AGAP6: variants seen among roughly 807,000 people sequenced by gnomAD.
AGAP6 encodes the protein ArfGAP with GTPase domain, ankyrin repeat and PH domain 6.
A neutral mutation model predicts 63.9 loss-of-function variants in AGAP6; 29 were observed. That is an observed-to-expected ratio of 0.45 (90% confidence interval 0.34 to 0.62). The LOEUF is 0.62. Ranked by LOEUF, AGAP6 falls within the 20% of genes least tolerant of loss-of-function variation. The pLI, the probability that AGAP6 is intolerant of heterozygous loss-of-function variation, is 0.01. For missense variants in AGAP6, 493 were observed against 884.9 expected, an observed-to-expected ratio of 0.56 and a Z score of 5.62; for synonymous variants, 199 against 332.9, an observed-to-expected ratio of 0.60 and a Z score of 4.38.
intron 4 of AGAP6, among the ~76,000 whole-genome samples, chr10:49,999,731 A>G (rs1275381620): frequency 1.5e-5 from 2 of 132,192 alleles, no homozygotes; most frequent in South Asian, 2.8e-4. Context: ...GACTCCTCCA[A>G]AAAGCTCCTA....
At chr10:50,008,298 C>CTTT (rs1181143677) in intron 7 of AGAP6, among the ~76,000 whole-genome samples, 2 of 118,182 alleles carry the variant, frequency 1.7e-5, no homozygotes, top group Admixed American at 8.9e-5. Context: ...GAAGATGTAT[C>CTTT]TTTTTTTTTT....
chr10:49,991,672 A>G lies in AGAP6; in HGVS notation c.293-4A>G, dbSNP rs1197163971. 2 of 1,598,484 alleles carry G rather than the reference A, an allele frequency of 1.3e-6. No individual in the cohort carries two copies. Among genetic ancestry groups the G allele is most frequent in the African/African-American group, 2.7e-5 (2 of 74,814 alleles). Reference sequence around the variant, plus strand: ...TTTTTTCTTTTCTTCCTCTGTGCATATAGCTTTGGAGTTTAACCCTTCTGC... The same window carrying G: ...TTTTTTCTTTTCTTCCTCTGTGCATGTAGCTTTGGAGTTTAACCCTTCTGC... On this transcript the variant is annotated splice_polypyrimidine_tract_variant and splice_region_variant and intron_variant, in intron 2 of 7. Coordinates refer to ENST00000412531, the MANE Select transcript of AGAP6 (RefSeq NM_001077665.3).
chr10:49,991,355 ACAACT>A (rs1272247896), intron 2 of AGAP6, among the ~76,000 whole-genome samples: 2 of 150,624 alleles, frequency 1.3e-5, no homozygotes, highest in Non-Finnish European at 3.0e-5. Flanking sequence ...TTGATTTTAG[ACAACT>A]CAAAGCCAAA....
intron 4 of AGAP6, among the ~76,000 whole-genome samples, chr10:49,996,714 T>TA (rs1337732587): frequency 1.3e-5 from 2 of 149,158 alleles, no homozygotes; most frequent in Admixed American, 1.3e-4. Context: ...GGGCTCTAGT[T>TA]AGAGATTTGC....
At chr10:50,007,145 A>T (rs1564715130) in intron 6 of AGAP6, among the ~76,000 whole-genome samples, 1 of 152,054 alleles carries the variant, frequency 6.6e-6, no homozygotes, top group Non-Finnish European at 1.5e-5. Flanking sequence ...TAATCCCAGC[A>T]CTTTGGGAGG....
At chr10:49,994,074 G>A (rs1335961025) in intron 3 of AGAP6, among the ~76,000 whole-genome samples, 72 of 152,132 alleles carry the variant, frequency 4.7e-4, no homozygotes, top group Admixed American at 1.0e-3. Context: ...ATGGATCATG[G>A]CTCATATATG....
At chr10:49,989,060 G>C in intron 1 of AGAP6, 122 bp downstream of exon 1, 1 of 1,581,858 alleles carries the variant, frequency 6.3e-7, no homozygotes, top group Non-Finnish European at 8.5e-7. Flanking sequence ...TTTCCCGGGG[G>C]CTGGCCAGGA....
rs1554860349 is a variant in AGAP6 at position 49,989,349 on chromosome 10, A to G, written c.265A>G (p.Ile89Val). ...NLSANPESST[I>V]FQRNSQTEAL... ...TTCTGCCAATCCAGAGTCAAGCACA[A>G]TATTCCAGAGGAACTCTCAAACAGA... The change falls in exon 2 of 8, where the codon ATA becomes GTA. Residue 89 changes from isoleucine (I) to valine (V), a missense_variant. Physicochemically the swap from Ile to Val is conservative, Grantham distance 29 (BLOSUM62 3). This residue lies in a region of AGAP6 where 342 missense variants were observed against 533.4 expected (regional missense o/e 0.64). Coordinates refer to ENST00000412531, the MANE Select transcript of AGAP6 (RefSeq NM_001077665.3). 3.1e-6 allele frequency: 5 copies of G among 1,597,426 alleles called. No homozygotes were observed. The African/African-American group carries it at 4.0e-5, about 13-fold the overall frequency.
Position 49,988,893 on chromosome 10 carries a change from G to T in AGAP6, c.178G>T (p.Glu60Ter). 2 of 1,599,682 alleles carry T rather than the reference G, an allele frequency of 1.3e-6. No homozygotes were observed. Among genetic ancestry groups the T allele is most frequent in the Non-Finnish European group, 1.7e-6 (2 of 1,179,140 alleles). Reference protein sequence around the residue: ...QPAEVTVEVGEDLHMHHVRDR... With the variant: ...QPAEVTVEVG ...TGCTGAGGTGACTGTTGAAGTTGGT[G>T]AGGACCTCCACATGCACCACGTTCG... Residue 60 changes from glutamate to a stop codon, truncating the protein, a stop_gained, in exon 1 of 8, where the codon GAG becomes TAG. Transcript: ENST00000412531. LOFTEE classifies it high-confidence loss of function.
chr10:49,988,995 C>T, intron 1 of AGAP6, 57 bp downstream of exon 1: 1 of 1,599,646 alleles, frequency 6.3e-7, no homozygotes, highest in Non-Finnish European at 8.5e-7. Flanking sequence ...CTGCTGTCCC[C>T]ATGGTTCCCT....
intron 6 of AGAP6, among the ~76,000 whole-genome samples, chr10:50,006,678 G>A (rs1447325844): frequency 2.6e-5 from 4 of 151,674 alleles, no homozygotes; most frequent in African/African-American, 9.7e-5. Flanking sequence ...CCACTGCGCT[G>A]GCCCAGTTGT....
At chr10:50,001,893 T>C in intron 4 of AGAP6, 103 bp from the exon 5 acceptor site, 1 of 1,204,388 alleles carries the variant, frequency 8.3e-7, no homozygotes, top group South Asian at 1.4e-5. Flanking sequence ...ACTCAGGCAG[T>C]TCATGGAGTG....
intron 3 of AGAP6, 75 bp from the exon 4 acceptor site, chr10:49,994,320 A>G: frequency 7.1e-7 from 1 of 1,406,544 alleles, no homozygotes; most frequent in Admixed American, 2.2e-5. Context: ...AGGAGTAATC[A>G]GTAAGATGTT....
intron 1 of AGAP6, 121 bp downstream of exon 1, chr10:49,989,059 G>C: frequency 6.3e-7 from 1 of 1,576,262 alleles, no homozygotes; most frequent in Non-Finnish European, 8.6e-7. Flanking sequence ...CTTTCCCGGG[G>C]GCTGGCCAGG....
chr10:49,999,998 A>C (rs1273352701), intron 4 of AGAP6, among the ~76,000 whole-genome samples: 1 of 136,380 alleles, frequency 7.3e-6, no homozygotes, highest in Non-Finnish European at 1.5e-5. Flanking sequence ...GGTACAGCAG[A>C]AGAAGTCAGT....
At chr10:49,991,199 G>T (rs1383442038) in intron 2 of AGAP6, among the ~76,000 whole-genome samples, 1 of 151,796 alleles carries the variant, frequency 6.6e-6, no homozygotes, top group Non-Finnish European at 1.5e-5. Flanking sequence ...CTAAGGTTCT[G>T]TGTCCTCAGA....
At chr10:49,996,072 G>A (rs1841474922) in intron 4 of AGAP6, among the ~76,000 whole-genome samples, 1 of 151,926 alleles carries the variant, frequency 6.6e-6, no homozygotes, top group Non-Finnish European at 1.5e-5. Context: ...TTTACTGATA[G>A]TCTTGTTATT....
chr10:49,994,779 A>G (rs1315643141), intron 4 of AGAP6, among the ~76,000 whole-genome samples: 1 of 152,056 alleles, frequency 6.6e-6, no homozygotes. Context: ...CCTGACCAAC[A>G]TGGTGAAATT....
chr10:49,995,870 GAA>G (rs1841464565), intron 4 of AGAP6, among the ~76,000 whole-genome samples: 1 of 152,164 alleles, frequency 6.6e-6, no homozygotes, highest in Non-Finnish European at 1.5e-5. Context: ...TGTTGTTCTT[GAA>G]TCTATTGCCA....
Sources: allele counts gnomAD v4.1 joint callset (sites outside exome capture counted in the v4.1 genomes callset), GRCh38; gene constraint gnomAD v4.1.1; regional missense constraint gnomAD v4.1.1; transcripts MANE v1.5; gene names NCBI Gene and HGNC (gene_info 2026-07-23, HGNC 2026-07-21).